Variants in FBN2 observed in about 807,000 individuals in gnomAD.
FBN2 encodes the protein fibrillin-2.
A neutral mutation model predicts 355.6 loss-of-function variants in FBN2; 105 were observed. That is an observed-to-expected ratio of 0.30 (90% confidence interval 0.25 to 0.35). The LOEUF is 0.35. FBN2 is among the 10% of genes least tolerant of loss of function. The pLI is 1.00. For synonymous variants in FBN2, 1,350 were observed against 1,301.2 expected (o/e 1.04, Z -0.81); for missense variants, 3,280 against 3,758.7 (o/e 0.87, Z 3.33).
intron 1 of FBN2, among the ~76,000 whole-genome samples, chr5:128,536,796 G>A (rs533629466): frequency 6.6e-6 from 1 of 152,176 alleles, no homozygotes; most frequent in African/African-American, 2.4e-5. Context: ...GAGAACAAAG[G>A]GACCATTCCG....
chr5:128,518,659 G>T (rs986982752), intron 5 of FBN2, among the ~76,000 whole-genome samples: 8 of 152,188 alleles, frequency 5.3e-5, no homozygotes, highest in African/African-American at 1.9e-4. Flanking sequence ...AGTTGGAGGA[G>T]ATGTTTTCTG....
intron 5 of FBN2, among the ~76,000 whole-genome samples, chr5:128,487,685 CTTTA>C (rs10574316): frequency 0.21 from 31,687 of 151,802 alleles, 5,918 homozygotes; most frequent in African/African-American, 0.5. Context: ...GAATGTTTCA[CTTTA>C]TTTAATTTAA....
intron 15 of FBN2, among the ~76,000 whole-genome samples, chr5:128,371,509 ATCCTTCCT>A (rs55789200): frequency 8.8e-5 from 9 of 102,708 alleles, no homozygotes; most frequent in African/African-American, 2.3e-4. Context: ...CCCTCCCTCC[ATCCTTCCT>A]TCCTTCCTTC....
chr5:128,485,659 T>C (rs1172010592), intron 5 of FBN2, among the ~76,000 whole-genome samples: 1 of 152,148 alleles, frequency 6.6e-6, no homozygotes, highest in African/African-American at 2.4e-5. Flanking sequence ...TATAAGCATG[T>C]ACTAAATACA....
chr5:128,354,212 C>T (rs1308499792), intron 20 of FBN2, among the ~76,000 whole-genome samples: 1 of 152,138 alleles, frequency 6.6e-6, no homozygotes, highest in Non-Finnish European at 1.5e-5. Context: ...TGAATACAGA[C>T]ATAAAGAGAA....
At chr5:128,327,270 C>T (rs575106867) in intron 34 of FBN2, among the ~76,000 whole-genome samples, 23 of 152,160 alleles carry the variant, frequency 1.5e-4, no homozygotes, top group Non-Finnish European at 2.9e-4. Context: ...ACTGTTCATC[C>T]CCTTTTTCTG....
intron 48 of FBN2, 130 bp downstream of exon 48, chr5:128,300,687 A>G (rs1749689073): frequency 3.3e-6 from 3 of 904,796 alleles, no homozygotes; most frequent in Non-Finnish European, 5.5e-6. Flanking sequence ...AAACAGATGT[A>G]GGCAGCTATA....
chr5:128,286,586 G>C, intron 55 of FBN2, 132 bp downstream of exon 55: 1 of 1,055,674 alleles, frequency 9.5e-7, no homozygotes, highest in Non-Finnish European at 1.5e-6. Context: ...ATGGAAGAAA[G>C]CTAGCTGTAT....
intron 5 of FBN2, among the ~76,000 whole-genome samples, chr5:128,514,178 G>A (rs1756214933): frequency 6.6e-6 from 1 of 152,086 alleles, no homozygotes; most frequent in Non-Finnish European, 1.5e-5. Context: ...ATAAATATCA[G>A]CTTAGTAATT....
At chr5:128,510,853 G>A (rs10520003) in intron 5 of FBN2, among the ~76,000 whole-genome samples, 16,047 of 152,036 alleles carry the variant, frequency 0.11, 1,020 homozygotes, top group African/African-American at 0.18. Flanking sequence ...TTGCAATGTC[G>A]TGTTTCACTA....
At chr5:128,508,869 C>T (rs149530477) in intron 5 of FBN2, among the ~76,000 whole-genome samples, 132 of 152,122 alleles carry the variant, frequency 8.7e-4, no homozygotes, top group African/African-American at 2.7e-3. Flanking sequence ...ATATAAAAGC[C>T]TAGACAGAGA....
chr5:128,459,928 A>G (rs1354948559), intron 6 of FBN2, among the ~76,000 whole-genome samples: 1 of 152,060 alleles, frequency 6.6e-6, no homozygotes, highest in Non-Finnish European at 1.5e-5. Flanking sequence ...CTCTCTCACC[A>G]CTCCTATTCA....
intron 42 of FBN2, among the ~76,000 whole-genome samples, chr5:128,306,644 T>C (rs1038908383): frequency 6.6e-6 from 1 of 152,020 alleles, no homozygotes; most frequent in Non-Finnish European, 1.5e-5. Context: ...TTATATTGCT[T>C]ATCAAATCTT....
At chr5:128,270,205 T>C (rs1209175731) in intron 62 of FBN2, among the ~76,000 whole-genome samples, 4 of 152,222 alleles carry the variant, frequency 2.6e-5, no homozygotes, top group African/African-American at 9.6e-5. Context: ...CAATATGGAT[T>C]AAAGACTTAA....
chr5:128,349,235 T>G (rs1292946711), intron 23 of FBN2, 112 bp downstream of exon 23: 5 of 1,277,992 alleles, frequency 3.9e-6, no homozygotes, highest in Non-Finnish European at 5.7e-6. Context: ...ATATCTCATT[T>G]AAAGCAAGTT....
rs544149427 is a variant in FBN2, at chr5:128,383,113, C to T, written c.1604-4223G>A. Among the ~76,000 whole-genome samples, 6 of 152,106 alleles carry T rather than the reference C, an allele frequency of 3.9e-5. No homozygotes were observed. In the East Asian group the frequency reaches 5.8e-4, roughly 15 times the overall value. On this transcript the variant is annotated intron_variant, in intron 11 of 64. Transcript: ENST00000262464. ...TTGCTTTAAGAGGGTTTTCAGACCA[C>T]GATGCAGACAGGGGGAACACTGGCA...
At chr5:128,411,920 T>C (rs184286652) in intron 7 of FBN2, among the ~76,000 whole-genome samples, 1 of 152,216 alleles carries the variant, frequency 6.6e-6, no homozygotes, top group African/African-American at 2.4e-5. Context: ...CAATACTGTA[T>C]GTCATAATCA....
At position 128,290,835 on chromosome 5, in the gene FBN2, A is replaced by G. The variant is rs138680198; in HGVS notation, c.6342T>C (p.Ser2114=). 6.2e-7 allele frequency: 1 copy of G among 1,614,124 alleles called. No individual in the cohort carries two copies. The highest frequency in any genetic ancestry group is 1.3e-5 in the African/African-American group (1 of 75,060). ...CFTNFENGKC[S]VPKAFNTTKA... is the part of the protein sequence containing the mutation. ...TTGTGGTGTTGAAAGCTTTGGGTAC[A>G]GAACACTTTCCATTTTCAAAATTTG... The change falls in exon 50 of 65, where the codon TCT becomes TCC. Residue 2114 remains serine (S), a synonymous_variant. Coordinates refer to ENST00000262464, the MANE Select transcript of FBN2 (RefSeq NM_001999.4).
chr5:128,405,321 T>C (rs1752897191), intron 8 of FBN2, among the ~76,000 whole-genome samples: 1 of 152,042 alleles, frequency 6.6e-6, no homozygotes. Context: ...GGCATGGCAG[T>C]GTGGTCTTGT....
Sources: allele counts gnomAD v4.1 joint callset (sites outside exome capture counted in the v4.1 genomes callset), GRCh38; gene constraint gnomAD v4.1.1; transcripts MANE v1.5; gene names NCBI Gene and HGNC (gene_info 2026-07-23, HGNC 2026-07-21).